KDM6A: variants seen among roughly 807,000 people sequenced by gnomAD.
KDM6A encodes the protein lysine demethylase 6A, also known as lysine-specific demethylase 6A.
Under a neutral mutation model 117.6 loss-of-function variants are expected in KDM6A, and 11 were observed. The observed-to-expected ratio is 0.09, with a 90% CI of 0.06 to 0.15. The LOEUF (loss-of-function observed/expected upper bound fraction) is 0.15, where lower values mean the gene tolerates loss of function less well. KDM6A is among the 10% of genes least tolerant of loss of function. KDM6A has a pLI of 1.00. For synonymous variants in KDM6A, 384 were observed against 396.1 expected, an observed-to-expected ratio of 0.97 and a Z score of 0.36; for missense variants, 799 against 1,077.3, an observed-to-expected ratio of 0.74 and a Z score of 3.62.
chrX:45,002,063 G>T (rs2041170825), intron 4 of KDM6A, among the ~76,000 whole-genome samples: 1 of 111,095 alleles, frequency 9.0e-6, no homozygotes, highest in African/African-American at 3.3e-5. Context: ...TAAATGTGGG[G>T]ACATCAGCAG....
intron 2 of KDM6A, among the ~76,000 whole-genome samples, chrX:44,911,703 C>G (rs1295487805): frequency 1.9e-5 from 2 of 108,050 alleles, no homozygotes; most frequent in African/African-American, 6.8e-5. Context: ...TGTAGCGAGC[C>G]GAGATCACGC....
rs769327371 is a variant in KDM6A at position 45,089,682 on chromosome X, A to G, written c.3705-61A>G. 3.0e-4 allele frequency: 251 copies of G among 824,926 alleles called. 2 individuals carry two copies. The Middle Eastern group carries it at 0.013, about 44-fold the overall frequency. The allele number at this position is 824,926 out of a possible 1,213,427, so 68.0% of individuals were successfully genotyped here. A position where few individuals can be genotyped will look rare whatever the true frequency, so the allele number is the denominator to read the frequency against. ...TAAAAAATTTGTGACATTTTCTTCC[A>G]GTCTTACTAGGAGCTTCTTAATGTA... On this transcript the variant is annotated intron_variant, in intron 25 of 29. Transcript: ENST00000611820.
chrX:45,045,729 A>T (rs928058925), intron 8 of KDM6A, among the ~76,000 whole-genome samples: 5 of 111,296 alleles, frequency 4.5e-5, no homozygotes, highest in Admixed American at 9.6e-5. Context: ...ATTCCATTGT[A>T]TGGATACACC....
intron 8 of KDM6A, among the ~76,000 whole-genome samples, chrX:45,039,215 C>A (rs1412632870): frequency 9.1e-6 from 1 of 110,219 alleles, no homozygotes; most frequent in Non-Finnish European, 1.9e-5. Flanking sequence ...CCTCCCCATC[C>A]CCCCTCTGCC....
Position 45,110,172 on chromosome X carries a change from G to A in KDM6A, c.4255G>A (p.Gly1419Arg), listed in dbSNP as rs370298215. ...CCAAGATTGTGCACGAAAAACAAGC[G>A]GAAACTTGGAAAACTTTGTGGTGCT... The part of the protein sequence containing the change: ...HCQDCARKTS[G>R]NLENFVVLEQ... The change falls in exon 29 of 30, where the codon GGA (glycine) becomes AGA (arginine). Residue 1419 changes from glycine to arginine, a missense_variant. Gly to Arg is a moderately radical substitution (Grantham distance 125, BLOSUM62 -2). Around this residue, in one of 8 missense-constraint regions of KDM6A, gnomAD observed 291 missense variants for 437.9 expected, o/e 0.66. Transcript: ENST00000611820. The A allele has an allele frequency of 3.1e-5, 38 of 1,208,475 alleles. No homozygotes were observed. The highest frequency in any genetic ancestry group is 3.7e-5 in the Non-Finnish European group (33 of 894,144).
intron 8 of KDM6A, among the ~76,000 whole-genome samples, chrX:45,051,500 G>A (rs1053970203): frequency 1.8e-5 from 2 of 111,998 alleles, no homozygotes; most frequent in Non-Finnish European, 3.8e-5. Flanking sequence ...TATAGTGAAT[G>A]TCAGTTTTAC....
intron 27 of KDM6A, among the ~76,000 whole-genome samples, chrX:45,095,551 C>T (rs993347465): frequency 3.6e-5 from 4 of 111,604 alleles, no homozygotes; most frequent in East Asian, 5.6e-4. Context: ...ACAGTTTTGC[C>T]GTATAATTGT....
chrX:45,031,792 A>C (rs1287202046), intron 6 of KDM6A, among the ~76,000 whole-genome samples: 2 of 111,548 alleles, frequency 1.8e-5, no homozygotes, highest in Non-Finnish European at 3.8e-5. Context: ...AAGTCTTGAA[A>C]CTCAAGTTTT....
chrX:45,062,004 T>G (rs945048482), intron 15 of KDM6A, among the ~76,000 whole-genome samples: 10 of 109,859 alleles, frequency 9.1e-5, no homozygotes, highest in African/African-American at 9.9e-5. Context: ...CCCTACCCAC[T>G]CAAAATGTGG....
chrX:45,056,737 A>T (rs1569532403), intron 10 of KDM6A, among the ~76,000 whole-genome samples: 4 of 111,684 alleles, frequency 3.6e-5, no homozygotes, highest in Admixed American at 9.5e-5. Context: ...TGATGGTTGG[A>T]GTGGGACATC....
At chrX:44,972,347 G>A (rs2039392351) in intron 3 of KDM6A, among the ~76,000 whole-genome samples, 2 of 110,754 alleles carry the variant, frequency 1.8e-5, no homozygotes, top group Admixed American at 1.9e-4. Flanking sequence ...TTCCTCTGTA[G>A]GTGTAACCCA....
At chrX:44,983,860 G>T (rs113348931) in intron 4 of KDM6A, among the ~76,000 whole-genome samples, 1 of 108,355 alleles carries the variant, frequency 9.2e-6, no homozygotes, top group Non-Finnish European at 1.9e-5. Flanking sequence ...GAATAGTGCC[G>T]CAATAAACAT....
intron 2 of KDM6A, among the ~76,000 whole-genome samples, chrX:44,901,762 GTAT>G (rs1457866782): frequency 1.8e-5 from 2 of 112,043 alleles, no homozygotes; most frequent in Non-Finnish European, 3.8e-5. Context: ...TGACTACATA[GTAT>G]GTGTATATTC....
Position 45,072,860 on chromosome X carries a change from TATA to T in KDM6A, c.2858+2510_2858+2512del, listed in dbSNP as rs1420028077. 5.6e-4 allele frequency among the ~76,000 whole-genome samples: 58 copies of T among 104,117 alleles called. 5 individuals are homozygous for T. In the East Asian group the frequency reaches 0.012, roughly 21 times the overall value. 90.4% of individuals were successfully genotyped at this position (104,117 alleles called of 115,157 possible). On this transcript the variant is annotated intron_variant, in intron 18 of 29. Transcript: ENST00000611820. ...ATAAATTGTATATTATTTAAAAAAATATAATAATATATATATATATACATATAT... is the reference window on the plus strand; with the variant it reads ...ATAAATTGTATATTATTTAAAAAAATATAATATATATATATATACATATAT...
At chrX:44,979,084 A>G (rs950673351) in intron 4 of KDM6A, among the ~76,000 whole-genome samples, 4 of 112,152 alleles carry the variant, frequency 3.6e-5, no homozygotes, top group African/African-American at 1.3e-4. Flanking sequence ...GTCTTGGTAT[A>G]TATACCTATG....
At chrX:44,944,008 C>T (rs1366606395) in intron 2 of KDM6A, among the ~76,000 whole-genome samples, 1 of 110,518 alleles carries the variant, frequency 9.0e-6, no homozygotes, top group Non-Finnish European at 1.9e-5. Context: ...TATAGTGGTA[C>T]CTCATTATGG....
At chrX:44,916,690 G>T (rs2035580567) in intron 2 of KDM6A, among the ~76,000 whole-genome samples, 1 of 110,210 alleles carries the variant, frequency 9.1e-6, no homozygotes, top group African/African-American at 3.3e-5. Flanking sequence ...CTGTCACCTA[G>T]GCTGGAGTGC....
At chrX:44,878,413 C>T (rs2031900780) in intron 2 of KDM6A, among the ~76,000 whole-genome samples, 1 of 112,142 alleles carries the variant, frequency 8.9e-6, no homozygotes, top group Admixed American at 9.5e-5. Flanking sequence ...GAAATAATGT[C>T]ATGCTTTGTG....
intron 9 of KDM6A, among the ~76,000 whole-genome samples, chrX:45,053,248 A>T (rs1335842873): frequency 2.7e-5 from 3 of 110,633 alleles, no homozygotes; most frequent in Non-Finnish European, 5.7e-5. Context: ...CTGGGCCAAC[A>T]TGGTGAAACC....
Sources: gnomAD v4.1 joint callset for allele counts (sites outside exome capture counted in the v4.1 genomes callset) on GRCh38, gnomAD v4.1.1 for gene constraint, gnomAD v4.1.1 regional missense constraint, MANE v1.5 for transcripts, NCBI Gene and HGNC (gene_info 2026-07-23, HGNC 2026-07-21) for gene names.